DMD: variants seen among roughly 807,000 people sequenced by gnomAD.
The protein encoded by DMD is dystrophin, also known as mutant dystrophin.
DMD carries 63 observed loss-of-function variants against 330.1 expected under a neutral mutation model. The observed-to-expected ratio is 0.19, with a 90% CI of 0.16 to 0.24. DMD has a LOEUF of 0.24. Ranked by LOEUF, DMD falls within the 10% of genes least tolerant of loss-of-function variation. The pLI, the probability that DMD is intolerant of heterozygous loss-of-function variation, is 1.00. For missense variants in DMD, 3,344 were observed against 2,684.1 expected (o/e 1.25, Z -5.43); for synonymous variants, 1,223 against 959.8 (o/e 1.27, Z -5.07).
At position 32,573,837 on chromosome X, in the gene DMD, C is replaced by A; in HGVS notation, c.1612G>T (p.Asp538Tyr). 5.8e-6 allele frequency: 7 copies of A among 1,204,228 alleles called. No individual in the cohort carries two copies. The highest frequency in any genetic ancestry group is 7.9e-6 in the Non-Finnish European group (7 of 888,952). The stretch of plus-strand genomic sequence containing the variant: ...CATCTACAGATGTTTGCCCATCGAT[C>A]TCCCAATACCTGGAGAAGAGACAAT... Reference protein sequence around the residue: ...ALEEQLKVLGDRWANICRWTE... With the variant: ...ALEEQLKVLGYRWANICRWTE... The change falls in exon 14 of 79, where the codon GAT (aspartate) becomes TAT (tyrosine). Residue 538 changes from aspartate to tyrosine, a missense_variant. By Grantham distance (160) the Asp-to-Tyr change is radical. Coordinates refer to ENST00000357033, the MANE Select transcript of DMD (RefSeq NM_004006.3).
intron 67 of DMD, among the ~76,000 whole-genome samples, chrX:31,203,737 G>T (rs1007781718): frequency 4.5e-5 from 5 of 111,252 alleles, no homozygotes; most frequent in Non-Finnish European, 9.4e-5. Context: ...TAACTGTGGG[G>T]TCCCTGCTGC....
chrX:32,624,912 G>A (rs1474185188), intron 11 of DMD, among the ~76,000 whole-genome samples: 1 of 111,748 alleles, frequency 8.9e-6, no homozygotes, highest in Non-Finnish European at 1.9e-5. Flanking sequence ...GATGGCTCAC[G>A]CCTGTAATCT....
chrX:32,629,031 T>C (rs1351929012), intron 11 of DMD, among the ~76,000 whole-genome samples: 6 of 111,994 alleles, frequency 5.4e-5, no homozygotes, highest in Non-Finnish European at 9.4e-5. Context: ...TTAGTTCAAA[T>C]TGGTCTACAC....
chrX:32,388,374 A>C (rs1251193169), intron 32 of DMD, among the ~76,000 whole-genome samples: 4 of 87,567 alleles, frequency 4.6e-5, no homozygotes, highest in African/African-American at 1.9e-4. Flanking sequence ...TTAAGATGGG[A>C]TATGTTCCCA....
At chrX:31,568,191 T>C (rs1228921315) in intron 55 of DMD, among the ~76,000 whole-genome samples, 1 of 111,343 alleles carries the variant, frequency 9.0e-6, no homozygotes, top group African/African-American at 3.3e-5. Flanking sequence ...GTCCAGAATA[T>C]GGCTTATATC....
intron 64 of DMD, among the ~76,000 whole-genome samples, 173 bp downstream of exon 64, chrX:31,222,869 TAAAAC>T (rs2046242755): frequency 8.9e-6 from 1 of 111,992 alleles, no homozygotes; most frequent in Non-Finnish European, 1.9e-5. Flanking sequence ...ATTCTAAAAA[TAAAAC>T]AAAACATTCT....
At chrX:32,401,203 G>A (rs6527196) in intron 30 of DMD, among the ~76,000 whole-genome samples, 1 of 82,470 alleles carries the variant, frequency 1.2e-5, no homozygotes, top group Non-Finnish European at 2.3e-5. Flanking sequence ...AGGGGGGAGG[G>A]ATAGCATTGG....
chrX:32,699,470 T>C (rs1282655009), intron 7 of DMD, among the ~76,000 whole-genome samples, 177 bp from the exon 8 acceptor site: 1 of 112,024 alleles, frequency 8.9e-6, no homozygotes, highest in Non-Finnish European at 1.9e-5. Context: ...GTCTTTCCAA[T>C]TTGGCAGACC....
At chrX:32,007,239 AT>A (rs2095669193) in intron 44 of DMD, among the ~76,000 whole-genome samples, 2 of 106,154 alleles carry the variant, frequency 1.9e-5, no homozygotes, top group African/African-American at 3.4e-5. Flanking sequence ...AATAATAATA[AT>A]AATAATAATA....
At chrX:32,990,737 C>T (rs1174813518) in intron 2 of DMD, among the ~76,000 whole-genome samples, 1 of 111,626 alleles carries the variant, frequency 9.0e-6, no homozygotes, top group East Asian at 2.8e-4. Context: ...GGAGAGTTTA[C>T]TGAAAGGCAT....
intron 60 of DMD, among the ~76,000 whole-genome samples, chrX:31,400,985 T>G (rs1383341632): frequency 8.9e-6 from 1 of 111,849 alleles, no homozygotes; most frequent in African/African-American, 3.3e-5. Flanking sequence ...ATAAAGACTT[T>G]GAAACAACCA....
chrX:31,170,291 T>G (rs2039861896), intron 73 of DMD, among the ~76,000 whole-genome samples: 1 of 111,495 alleles, frequency 9.0e-6, no homozygotes, highest in Non-Finnish European at 1.9e-5. Context: ...AAGTTTTATT[T>G]ATTTTTAAAT....
chrX:31,628,692 G>C (rs1212061588), intron 54 of DMD, among the ~76,000 whole-genome samples: 1 of 110,060 alleles, frequency 9.1e-6, no homozygotes, highest in African/African-American at 3.3e-5. Flanking sequence ...TTCCCTCTCT[G>C]ATTCTCAGTT....
intron 9 of DMD, among the ~76,000 whole-genome samples, chrX:32,648,375 CTA>C (rs763917629): frequency 2.9e-4 from 32 of 111,654 alleles, no homozygotes; most frequent in African/African-American, 9.4e-4. Context: ...TCTAGATAGA[CTA>C]TTGTTTTTCA....
intron 47 of DMD, among the ~76,000 whole-genome samples, chrX:31,898,201 A>C (rs1460701311): frequency 1.8e-5 from 2 of 110,303 alleles, no homozygotes. Context: ...GCCCAAGGTA[A>C]TTTACAGATT....
chrX:31,668,470 TTTTTAA>T (rs1239016435), intron 53 of DMD, among the ~76,000 whole-genome samples: 2 of 111,002 alleles, frequency 1.8e-5, no homozygotes, highest in East Asian at 2.8e-4. Flanking sequence ...AAACATTTTA[TTTTTAA>T]TTTTATTTTG....
intron 2 of DMD, among the ~76,000 whole-genome samples, chrX:32,861,275 G>A (rs2082054815): frequency 8.9e-6 from 1 of 112,139 alleles, no homozygotes; most frequent in Non-Finnish European, 1.9e-5. Context: ...AACTTTCCTT[G>A]TAATGTTGGC....
At chrX:32,832,071 C>A (rs1359400043) in intron 4 of DMD, among the ~76,000 whole-genome samples, 2 of 111,076 alleles carry the variant, frequency 1.8e-5, no homozygotes, top group East Asian at 5.6e-4. Flanking sequence ...TCTCCCAGAT[C>A]ATTTCAGAGT....
intron 1 of DMD, among the ~76,000 whole-genome samples, chrX:33,106,374 A>G (rs1388504177): frequency 9.0e-6 from 1 of 111,111 alleles, no homozygotes; most frequent in Non-Finnish European, 1.9e-5. Context: ...GGACTTCACC[A>G]TTATACAATT....
Sources: gnomAD v4.1 joint callset for allele counts (sites outside exome capture counted in the v4.1 genomes callset) on GRCh38, gnomAD v4.1.1 for gene constraint, MANE v1.5 for transcripts, NCBI Gene and HGNC (gene_info 2026-07-23, HGNC 2026-07-21) for gene names.